Variants in POU6F1 observed in about 807,000 individuals in gnomAD.
The protein encoded by POU6F1 is POU class 6 homeobox 1, also known as POU domain, class 6, transcription factor 1.
POU6F1 carries 9 observed loss-of-function variants against 28.9 expected under a neutral mutation model. The observed-to-expected ratio is 0.31, with a 90% CI of 0.19 to 0.54. The LOEUF is 0.54. POU6F1 is among the 20% of genes least tolerant of loss of function. The pLI is 0.94. For missense variants in POU6F1, 338 were observed against 426.1 expected, an observed-to-expected ratio of 0.79 and a Z score of 1.82; for synonymous variants, 173 against 171.1, an observed-to-expected ratio of 1.01 and a Z score of -0.09.
At chr12:51,204,421 G>A (rs1943434254) in intron 2 of POU6F1, 53 bp from the exon 3 acceptor site, 1 of 398,782 alleles carries the variant, frequency 2.5e-6, no homozygotes, top group South Asian at 1.3e-4. Context: ...ATAGCCGCAG[G>A]GTCCAAAGCT....
At position 51,205,977 on chromosome 12, in the gene POU6F1, C is replaced by A. The variant is rs563134523; in HGVS notation, c.48+812G>T. Among the ~76,000 whole-genome samples, 36 of 150,494 alleles carry A rather than the reference C, an allele frequency of 2.4e-4. No homozygotes were observed. The South Asian group carries it at 7.1e-3, about 30-fold the overall frequency. ...GGGATTACAGGTGCCCACCACCACGCCCGGCTAATTTTTGTATTTTTTGTA... is the reference window on the plus strand; with the variant it reads ...GGGATTACAGGTGCCCACCACCACGACCGGCTAATTTTTGTATTTTTTGTA... On this transcript the variant is annotated intron_variant, in intron 2 of 10. Coordinates refer to ENST00000333640, the MANE Select transcript of POU6F1 (RefSeq NM_001330422.2).
intron 2 of POU6F1, among the ~76,000 whole-genome samples, chr12:51,205,448 C>T (rs12579347): frequency 5.3e-5 from 8 of 152,204 alleles, no homozygotes; most frequent in African/African-American, 1.9e-4. Context: ...CAGGCGGACC[C>T]TGAGCCTCCT....
In POU6F1 at chr12:51,196,856, G is replaced by A. The variant is rs747564631; in HGVS notation, c.918C>T (p.Ser306=). The A allele has an allele frequency of 2.7e-5, 43 of 1,613,946 alleles. No individual in the cohort carries two copies. In the Admixed American group the frequency reaches 4.0e-4, roughly 15 times the overall value. Residue 306 remains serine (S), a synonymous_variant, in exon 7 of 11, where the codon AGC becomes AGT. Coordinates refer to ENST00000333640, the MANE Select transcript of POU6F1 (RefSeq NM_001330422.2). ...TGATCCCTGGCATGCTGGGAATGGCGCTGGTAATGACTGGAGCTGTAGTGA... is the reference window on the plus strand; with the variant it reads ...TGATCCCTGGCATGCTGGGAATGGCACTGGTAATGACTGGAGCTGTAGTGA... ...GSLTTAPVIT[S]AIPSMPGISS... is the part of the protein sequence containing the mutation.
intron 1 of POU6F1, among the ~76,000 whole-genome samples, chr12:51,208,484 G>C (rs80170585): frequency 1.3e-5 from 2 of 152,274 alleles, no homozygotes; most frequent in East Asian, 3.9e-4. Context: ...ATTATTATCC[G>C]CATGTTACAG....
rs978109667 is a variant in POU6F1 at position 51,191,781 on chromosome 12, G to A, written c.1322-17C>T. The stretch of plus-strand genomic sequence containing the variant: ...TATGTGGCTCTAGGCCAGAGGGAGG[G>A]AGCAGGGATGAGTGTGTAACATGGG... On this transcript the variant is annotated splice_polypyrimidine_tract_variant and intron_variant, in intron 9 of 10. Transcript: ENST00000333640. 2 of 1,613,672 alleles carry A rather than the reference G, an allele frequency of 1.2e-6. No individual in the cohort carries two copies. The highest frequency in any genetic ancestry group is 1.7e-5 in the Admixed American group (1 of 60,030).
At chr12:51,191,132 C>T (rs1942379513) in intron 10 of POU6F1, among the ~76,000 whole-genome samples, 1 of 152,204 alleles carries the variant, frequency 6.6e-6, no homozygotes, top group African/African-American at 2.4e-5. Flanking sequence ...GAAACTCTAT[C>T]CCTCCTGGCA....
chr12:51,207,661 A>G (rs767553365), intron 1 of POU6F1: 1 of 152,276 alleles, frequency 6.6e-6, no homozygotes, highest in Non-Finnish European at 1.5e-5. Flanking sequence ...TATATCAATT[A>G]AAGTACAGAG....
At chr12:51,208,203 T>C (rs899579893) in intron 1 of POU6F1, among the ~76,000 whole-genome samples, 4 of 150,936 alleles carry the variant, frequency 2.7e-5, no homozygotes, top group Non-Finnish European at 5.9e-5. Flanking sequence ...CGCTTGAGCC[T>C]GGGAGGTGGG....
intron 1 of POU6F1, among the ~76,000 whole-genome samples, chr12:51,211,165 T>A (rs1238350184): frequency 6.6e-6 from 1 of 152,210 alleles, no homozygotes; most frequent in Non-Finnish European, 1.5e-5. Flanking sequence ...TGCTGTGCAG[T>A]GCCCACAGCC....
At chr12:51,201,232 T>C (rs1263670275) in intron 3 of POU6F1, among the ~76,000 whole-genome samples, 1 of 152,236 alleles carries the variant, frequency 6.6e-6, no homozygotes, top group African/African-American at 2.4e-5. Context: ...AACTCAGGAC[T>C]ATACTGTTCA....
chr12:51,193,361 A>G (rs1251454539), intron 8 of POU6F1, among the ~76,000 whole-genome samples: 3 of 152,158 alleles, frequency 2.0e-5, no homozygotes, highest in African/African-American at 7.2e-5. Context: ...GATCACCTGA[A>G]GTCAGGAGTT....
chr12:51,215,703 T>A (rs1235473309), intron 1 of POU6F1, among the ~76,000 whole-genome samples: 1 of 151,818 alleles, frequency 6.6e-6, no homozygotes, highest in African/African-American at 2.4e-5. Flanking sequence ...TGCATCCCAC[T>A]CTCTCTTCTG....
chr12:51,191,023 T>C (rs1212846334), intron 10 of POU6F1, among the ~76,000 whole-genome samples: 1 of 152,198 alleles, frequency 6.6e-6, no homozygotes, highest in Non-Finnish European at 1.5e-5. Context: ...CTCCACAGGA[T>C]GCTGGAGGCA....
At chr12:51,210,338 T>C (rs1319000352) in intron 1 of POU6F1, among the ~76,000 whole-genome samples, 1 of 152,156 alleles carries the variant, frequency 6.6e-6, no homozygotes, top group Non-Finnish European at 1.5e-5. Context: ...AAAATTGAAA[T>C]GAAAGCTGCA....
At position 51,196,665 on chromosome 12, in the gene POU6F1, C is replaced by T. The variant is rs952834879; in HGVS notation, c.975+134G>A. 61 of 1,099,896 alleles carry T rather than the reference C, an allele frequency of 5.5e-5. No homozygotes were observed. The Middle Eastern group carries it at 1.2e-3, about 22-fold the overall frequency. The allele number at this position is 1,099,896 out of a possible 1,614,324, so 68.1% of individuals were successfully genotyped here. On this transcript the variant is annotated intron_variant, in intron 7 of 10. Coordinates refer to ENST00000333640, the MANE Select transcript of POU6F1 (RefSeq NM_001330422.2). ...CCCAGCTTCAGCATCGGCAGAAAGC[C>T]GCCGCAGAGGAGATAGGAACAACAG... is the stretch of plus-strand genomic sequence containing the variant.
At chr12:51,216,604 G>C (rs941303863) in intron 1 of POU6F1, among the ~76,000 whole-genome samples, 1 of 152,180 alleles carries the variant, frequency 6.6e-6, no homozygotes, top group Non-Finnish European at 1.5e-5. Flanking sequence ...ACCAGGACTT[G>C]AATGAAAATG....
Position 51,196,825 on chromosome 12 carries a change from GA to G in POU6F1, c.948del (p.Gln317ArgfsTer17), listed in dbSNP as rs750447738. 6.2e-7 allele frequency: 1 copy of G among 1,614,050 alleles called. No individual in the cohort carries two copies. On this transcript the variant is annotated frameshift_variant, in exon 7 of 11. Transcript: ENST00000333640. LOFTEE classifies it high-confidence loss of function. Reference protein sequence around the residue: ...SAIPSMPGISSQILTNAQGQV... With the variant: ...SAIPSMPGISXQILTNAQGQV... ...TGTCCCTGAGCATTGGTGAGGATCT[GA>G]CTGCTGATCCCTGGCATGCTGGGAA...
chr12:51,203,076 T>C (rs1943332159), intron 3 of POU6F1, among the ~76,000 whole-genome samples: 1 of 152,072 alleles, frequency 6.6e-6, no homozygotes, highest in African/African-American at 2.4e-5. Context: ...AAAATTCCTT[T>C]ATAGAGGAGG....
intron 1 of POU6F1, among the ~76,000 whole-genome samples, chr12:51,210,647 C>T (rs1165515961): frequency 1.3e-5 from 2 of 152,162 alleles, no homozygotes; most frequent in African/African-American, 4.8e-5. Flanking sequence ...ATCCCTTTCA[C>T]CCTTAAAATT....
Sources: allele counts gnomAD v4.1 joint callset (sites outside exome capture counted in the v4.1 genomes callset), GRCh38; gene constraint gnomAD v4.1.1; transcripts MANE v1.5; gene names NCBI Gene and HGNC (gene_info 2026-07-23, HGNC 2026-07-21).